The following RIMS2 variants were observed in gnomAD, a reference collection of about 807,000 sequenced individuals.
The protein encoded by RIMS2 is regulating synaptic membrane exocytosis 2.
A neutral mutation model predicts 174.4 loss-of-function variants in RIMS2; 59 were observed. The observed-to-expected ratio is 0.34, with a 90% CI of 0.27 to 0.42. The LOEUF (loss-of-function observed/expected upper bound fraction) is 0.42, where lower values mean the gene tolerates loss of function less well. Among genes scored for constraint, RIMS2 ranks in the 10% least tolerant of loss-of-function variants. The probability of loss-of-function intolerance (pLI) is 1.00; values close to 1 mark genes in which losing one functional copy is unlikely to be tolerated. For synonymous variants in RIMS2, 606 were observed against 572.5 expected (o/e 1.06, Z -0.84); for missense variants, 1,620 against 1,666.3 (o/e 0.97, Z 0.48).
At chr8:103,594,482 A>T (rs370364876) in intron 1 of RIMS2, among the ~76,000 whole-genome samples, 19 of 151,826 alleles carry the variant, frequency 1.3e-4, no homozygotes, top group East Asian at 1.2e-3. Flanking sequence ...AAAGCCTATG[A>T]GTTGATTGGT....
chr8:103,574,533 C>T (rs1461459150), intron 1 of RIMS2, among the ~76,000 whole-genome samples: 1 of 152,196 alleles, frequency 6.6e-6, no homozygotes, highest in Admixed American at 6.5e-5. Flanking sequence ...TGATATGGAG[C>T]TATTCCAAGA....
At chr8:103,927,819 T>G in intron 10 of RIMS2, 1 of 1,583,854 alleles carries the variant, frequency 6.3e-7, no homozygotes, top group African/African-American at 1.3e-5. Context: ...TTTATTGCTT[T>G]TTTCTTTAAT....
chr8:103,684,698 TGCCTCA>T (rs1468347226), intron 1 of RIMS2, among the ~76,000 whole-genome samples: 4 of 152,046 alleles, frequency 2.6e-5, no homozygotes, highest in Non-Finnish European at 5.9e-5. Context: ...GCAATTCTCC[TGCCTCA>T]GCCTCTTGAG....
intron 19 of RIMS2, among the ~76,000 whole-genome samples, chr8:104,133,572 G>A (rs2098491459): frequency 6.6e-6 from 1 of 152,150 alleles, no homozygotes; most frequent in African/African-American, 2.4e-5. Flanking sequence ...GTAGCAGACT[G>A]CCATAAAATG....
At chr8:104,143,840 A>G (rs946034702) in intron 19 of RIMS2, among the ~76,000 whole-genome samples, 1 of 152,140 alleles carries the variant, frequency 6.6e-6, no homozygotes, top group Non-Finnish European at 1.5e-5. Context: ...TTGGTAAATT[A>G]TTTCCAGACT....
chr8:103,823,252 G>A (rs1472022229), intron 3 of RIMS2, among the ~76,000 whole-genome samples: 3 of 151,800 alleles, frequency 2.0e-5, no homozygotes, highest in Non-Finnish European at 4.4e-5. Context: ...CTCCGTATAC[G>A]TACAATGAGA....
At chr8:103,791,615 C>A (rs1215138892) in intron 3 of RIMS2, among the ~76,000 whole-genome samples, 1 of 152,180 alleles carries the variant, frequency 6.6e-6, no homozygotes, top group Admixed American at 6.5e-5. Context: ...AATTAAAAGA[C>A]ACAGACTGGC....
At chr8:103,793,165 T>A (rs1463155964) in intron 3 of RIMS2, among the ~76,000 whole-genome samples, 1 of 152,078 alleles carries the variant, frequency 6.6e-6, no homozygotes, top group East Asian at 1.9e-4. Flanking sequence ...CTGATGAACA[T>A]CGATGCAAAA....
intron 1 of RIMS2, among the ~76,000 whole-genome samples, chr8:103,681,149 GA>G (rs1424561684): frequency 1.3e-5 from 2 of 152,040 alleles, no homozygotes; most frequent in Non-Finnish European, 2.9e-5. Context: ...TAAAGAGCAC[GA>G]ACTCTTGGAA....
chr8:103,933,422 G>A (rs1466239450), intron 12 of RIMS2, among the ~76,000 whole-genome samples: 2 of 152,098 alleles, frequency 1.3e-5, no homozygotes, highest in Non-Finnish European at 2.9e-5. Context: ...CGAGGCATAA[G>A]TTGCAGTGAG....
At chr8:103,921,604 T>C in intron 9 of RIMS2, 68 bp from the exon 13 acceptor site, 1 of 765,692 alleles carries the variant, frequency 1.3e-6, no homozygotes, top group Non-Finnish European at 2.4e-6. Flanking sequence ...AAAAGATATA[T>C]GGCAAAACTT....
intron 2 of RIMS2, among the ~76,000 whole-genome samples, chr8:103,734,540 G>T (rs1307011731): frequency 2.0e-5 from 3 of 150,866 alleles, no homozygotes; most frequent in Non-Finnish European, 2.9e-5. Context: ...TTTCTCAGGT[G>T]AAATAGTAGA....
At chr8:103,937,880 C>T (rs940710163) in intron 13 of RIMS2, among the ~76,000 whole-genome samples, 1 of 152,180 alleles carries the variant, frequency 6.6e-6, no homozygotes, top group East Asian at 1.9e-4. Flanking sequence ...TCTTTCCCTT[C>T]TCTATGGAGT....
rs148043709 is a variant in RIMS2 at position 103,522,243 on chromosome 8, G to A, written c.176+21181G>A. ...TAACTAATATTAAGATTTCAGTAAGGGTTTTACTGCATCTACTTAAGCGAA... is the reference window on the plus strand; with the variant it reads ...TAACTAATATTAAGATTTCAGTAAGAGTTTTACTGCATCTACTTAAGCGAA... On this transcript the variant is annotated intron_variant, in intron 1 of 23. Transcript: ENST00000504942. Among the ~76,000 whole-genome samples the A allele has an allele frequency of 1.3e-3, 201 of 152,042 alleles. 1 individual carries two copies. Among genetic ancestry groups the A allele is most frequent in the African/African-American group, 4.4e-3 (182 of 41,468 alleles).
At chr8:104,148,052 TTAA>T (rs2098657290) in intron 19 of RIMS2, among the ~76,000 whole-genome samples, 1 of 152,200 alleles carries the variant, frequency 6.6e-6, no homozygotes, top group African/African-American at 2.4e-5. Context: ...AAGTTATTTT[TTAA>T]TTCAAAGCTA....
chr8:103,715,587 GTTACT>G (rs2097358281), intron 2 of RIMS2, among the ~76,000 whole-genome samples: 1 of 151,920 alleles, frequency 6.6e-6, no homozygotes, highest in African/African-American at 2.4e-5. Flanking sequence ...CACTGTTATC[GTTACT>G]TTATGTTAAA....
chr8:104,023,894 AG>A (rs2096179274), intron 19 of RIMS2, among the ~76,000 whole-genome samples: 1 of 152,188 alleles, frequency 6.6e-6, no homozygotes, highest in Admixed American at 6.6e-5. Flanking sequence ...AAAAAGTGGG[AG>A]AAGAGGGACA....
intron 2 of RIMS2, among the ~76,000 whole-genome samples, chr8:103,702,985 GT>G (rs35590857): frequency 2.0e-3 from 218 of 107,088 alleles, no homozygotes; most frequent in African/African-American, 4.1e-3. Flanking sequence ...TTGTGAGTTT[GT>G]TTTTTTTTTT....
intron 2 of RIMS2, among the ~76,000 whole-genome samples, chr8:103,704,105 G>A (rs1202555169): frequency 6.6e-6 from 1 of 150,430 alleles, no homozygotes; most frequent in East Asian, 1.9e-4. Context: ...CTTCCATATG[G>A]TGCTAGCTGT....
Sources: gnomAD v4.1 joint callset for allele counts (sites outside exome capture counted in the v4.1 genomes callset) on GRCh38, gnomAD v4.1.1 for gene constraint, MANE v1.5 for transcripts, NCBI Gene and HGNC (gene_info 2026-07-23, HGNC 2026-07-21) for gene names.